The following DIAPH3 variants were observed in gnomAD, a reference collection of about 807,000 sequenced individuals.
DIAPH3 encodes protein diaphanous homolog 3.
Under a neutral mutation model 144.3 loss-of-function variants are expected in DIAPH3, and 117 were observed. The ratio of observed to expected loss-of-function variants is 0.81; its 90% confidence interval spans 0.70 to 0.95. The LOEUF is 0.95. Ranked by LOEUF, DIAPH3 falls within the 40% of genes least tolerant of loss-of-function variation. The pLI is 0.00. For synonymous variants in DIAPH3, 519 were observed against 488.9 expected (o/e 1.06, Z -0.81); for missense variants, 1,421 against 1,412.7 (o/e 1.01, Z -0.09).
At chr13:59,735,135 G>A (rs1164063894) in intron 27 of DIAPH3, among the ~76,000 whole-genome samples, 1 of 151,922 alleles carries the variant, frequency 6.6e-6, no homozygotes, top group East Asian at 1.9e-4. Flanking sequence ...ATTAAGCAAT[G>A]TCATTACAAA....
intron 25 of DIAPH3, among the ~76,000 whole-genome samples, chr13:59,787,444 A>G (rs2039093218): frequency 6.6e-6 from 1 of 152,220 alleles, no homozygotes; most frequent in South Asian, 2.1e-4. Context: ...GGACAGGTAC[A>G]GTGGCTCATG....
At chr13:59,913,329 C>G (rs1188196573) in intron 19 of DIAPH3, among the ~76,000 whole-genome samples, 2 of 152,092 alleles carry the variant, frequency 1.3e-5, no homozygotes, top group Non-Finnish European at 2.9e-5. Context: ...TTCCCCACAC[C>G]CTTCGCAAAT....
chr13:59,850,477 A>G (rs1362735902), intron 22 of DIAPH3, among the ~76,000 whole-genome samples: 1 of 151,458 alleles, frequency 6.6e-6, no homozygotes, highest in Non-Finnish European at 1.5e-5. Context: ...AGCTCTTATT[A>G]TTTTGAAATA....
At chr13:59,800,783 T>C (rs2139471698) in intron 25 of DIAPH3, among the ~76,000 whole-genome samples, 1 of 152,294 alleles carries the variant, frequency 6.6e-6, no homozygotes, top group African/African-American at 2.4e-5. Flanking sequence ...TGAACGGTAT[T>C]TCCAACGATC....
At chr13:60,104,857 C>T (rs1414606748) in intron 3 of DIAPH3, among the ~76,000 whole-genome samples, 1 of 151,892 alleles carries the variant, frequency 6.6e-6, no homozygotes, top group Non-Finnish European at 1.5e-5. Flanking sequence ...TTTGGGAGGC[C>T]GAGGCAGGCG....
At chr13:59,713,809 CAT>C (rs1438828297) in intron 27 of DIAPH3, among the ~76,000 whole-genome samples, 2 of 152,208 alleles carry the variant, frequency 1.3e-5, no homozygotes, top group Non-Finnish European at 2.9e-5. Context: ...TCCCAAGATC[CAT>C]ATGTCTTTGG....
intron 2 of DIAPH3, among the ~76,000 whole-genome samples, chr13:60,113,434 A>G (rs926092753): frequency 7.2e-5 from 11 of 152,232 alleles, no homozygotes; most frequent in Non-Finnish European, 1.6e-4. Context: ...GATAAGTATT[A>G]TCTTTCAAAA....
intron 18 of DIAPH3, among the ~76,000 whole-genome samples, chr13:59,920,689 G>A (rs898297890): frequency 6.6e-6 from 1 of 151,832 alleles, no homozygotes; most frequent in South Asian, 2.1e-4. Context: ...CAGTCATCTA[G>A]ACAGAAAATC....
chr13:59,945,051 T>C (rs1243692725), intron 17 of DIAPH3, among the ~76,000 whole-genome samples: 1 of 152,106 alleles, frequency 6.6e-6, no homozygotes, highest in African/African-American at 2.4e-5. Context: ...TACTGCTGGA[T>C]TGGCCCTCAC....
chr13:60,015,027 A>T (rs566505412), intron 7 of DIAPH3, among the ~76,000 whole-genome samples: 1 of 145,074 alleles, frequency 6.9e-6, no homozygotes, highest in African/African-American at 2.6e-5. Context: ...ACAGGGATTC[A>T]CTTTGTCTCC....
chr13:59,969,600 C>T (rs1594165995), intron 17 of DIAPH3, among the ~76,000 whole-genome samples: 1 of 152,130 alleles, frequency 6.6e-6, no homozygotes, highest in East Asian at 1.9e-4. Context: ...AGAAAGCACA[C>T]ATTTTGTTTT....
At chr13:60,156,058 GCCTGAAGTC>G (rs1259611985) in intron 1 of DIAPH3, among the ~76,000 whole-genome samples, 2 of 152,190 alleles carry the variant, frequency 1.3e-5, no homozygotes, top group Non-Finnish European at 2.9e-5. Context: ...AGTTCTGGAG[GCCTGAAGTC>G]CCAAATCAGT....
intron 27 of DIAPH3, among the ~76,000 whole-genome samples, chr13:59,686,950 C>T (rs1438788799): frequency 6.6e-6 from 1 of 152,046 alleles, no homozygotes; most frequent in Admixed American, 6.6e-5. Context: ...ACTTCAGAGC[C>T]ATGGAGGTGC....
intron 4 of DIAPH3, among the ~76,000 whole-genome samples, chr13:60,076,099 A>G (rs2057370341): frequency 6.6e-6 from 1 of 152,170 alleles, no homozygotes; most frequent in Non-Finnish European, 1.5e-5. Context: ...GCTTGTTCCA[A>G]CCATAAGTCT....
chr13:59,848,447 C>T (rs1232404098), intron 22 of DIAPH3, among the ~76,000 whole-genome samples: 2 of 151,656 alleles, frequency 1.3e-5, no homozygotes, highest in African/African-American at 4.8e-5. Flanking sequence ...GGTATATCTC[C>T]CAGTGCTATC....
intron 20 of DIAPH3, among the ~76,000 whole-genome samples, chr13:59,897,950 G>C (rs898009169): frequency 2.0e-5 from 3 of 151,410 alleles, no homozygotes; most frequent in Non-Finnish European, 4.4e-5. Flanking sequence ...TGGCCAACAT[G>C]TTGAAACTCC....
intron 4 of DIAPH3, among the ~76,000 whole-genome samples, chr13:60,081,924 C>T (rs1343129354): frequency 6.6e-6 from 1 of 151,728 alleles, no homozygotes; most frequent in Non-Finnish European, 1.5e-5. Flanking sequence ...GAGCTCCTTC[C>T]AGAACAGGAT....
At chr13:59,761,625 A>T (rs912614231) in intron 27 of DIAPH3, among the ~76,000 whole-genome samples, 16 of 152,174 alleles carry the variant, frequency 1.1e-4, no homozygotes, top group Non-Finnish European at 2.4e-4. Flanking sequence ...CACATTTATT[A>T]TCCTGAGCTA....
chr13:60,080,710 T>C (rs1408193478), intron 4 of DIAPH3, among the ~76,000 whole-genome samples: 1 of 151,896 alleles, frequency 6.6e-6, no homozygotes, highest in African/African-American at 2.4e-5. Flanking sequence ...AAATGAATTA[T>C]AGGCACAAAA....
Sources: allele counts gnomAD v4.1 joint callset (sites outside exome capture counted in the v4.1 genomes callset), GRCh38; gene constraint gnomAD v4.1.1; transcripts MANE v1.5; gene names NCBI Gene and HGNC (gene_info 2026-07-23, HGNC 2026-07-21).